Variants in MRC1 observed in about 807,000 individuals in gnomAD.
MRC1 encodes macrophage mannose receptor 1.
MRC1 carries 62 observed loss-of-function variants against 102.9 expected under a neutral mutation model. The ratio of observed to expected loss-of-function variants is 0.60; its 90% CI spans 0.49 to 0.74. The LOEUF (loss-of-function observed/expected upper bound fraction) is 0.74. Among genes scored for constraint, MRC1 ranks in the 30% least tolerant of loss-of-function variants. The pLI, the probability that MRC1 is intolerant of heterozygous loss-of-function variation, is 0.00. For synonymous variants in MRC1, 457 were observed against 298.4 expected, an observed-to-expected ratio of 1.53 and a Z score of -5.48; for missense variants, 1,237 against 862.8, an observed-to-expected ratio of 1.43 and a Z score of -5.43.
chr10:17,904,260 T>C (rs1833868374), intron 26 of MRC1, among the ~76,000 whole-genome samples: 4 of 152,322 alleles, frequency 2.6e-5, no homozygotes, highest in African/African-American at 9.6e-5. Flanking sequence ...TTTGAGTTAC[T>C]GTTGAGTGCC....
In MRC1 at chr10:17,827,412, A is replaced by AAAAAAAAC; in HGVS notation, c.464-128_464-127insAAAAACAA. On this transcript the variant is annotated intron_variant, in intron 2 of 29. Coordinates refer to ENST00000569591, the MANE Select transcript of MRC1 (RefSeq NM_002438.4). ...AAAAAAAAAAAAAAAAAAAAAAAAGAAATCCCTCTGTGGGTGCATCAAGTG... is the reference window on the plus strand; with the variant it reads ...AAAAAAAAAAAAAAAAAAAAAAAAGAAAAAAAACAATCCCTCTGTGGGTGCATCAAGTG... The AAAAAAAAC allele has an allele frequency of 5.5e-6, 2 of 366,278 alleles. 1 individual carries two copies. The highest frequency in any genetic ancestry group is 5.6e-5 in the African/African-American group (2 of 35,450). The allele number at this position is 366,278 out of a possible 1,614,324, so 22.7% of individuals were successfully genotyped here. A position where few individuals can be genotyped will look rare whatever the true frequency, so the allele number is the denominator to read the frequency against.
rs1033243736 is a variant in MRC1 at position 17,888,194 on chromosome 10, T to C, written c.3147+2759T>C. Among the ~76,000 whole-genome samples, 15 of 152,264 alleles carry C rather than the reference T, an allele frequency of 9.9e-5. 1 individual carries two copies. In the South Asian group the frequency reaches 2.9e-3, roughly 29 times the overall value. On this transcript the variant is annotated intron_variant, in intron 22 of 29. Coordinates refer to ENST00000569591, the MANE Select transcript of MRC1 (RefSeq NM_002438.4). ...AATGGGAGAGAACTTTTAATATGTG[T>C]TTTGTGGTGGAAATATGCTTGGATT... is the stretch of plus-strand genomic sequence containing the variant.
intron 8 of MRC1, among the ~76,000 whole-genome samples, chr10:17,853,505 G>A (rs959805392): frequency 6.6e-6 from 1 of 151,016 alleles, no homozygotes; most frequent in African/African-American, 2.4e-5. Context: ...GATTATGCAT[G>A]TATATATAAA....
intron 24 of MRC1, 125 bp from the exon 25 acceptor site, chr10:17,900,663 C>T (rs1833817018): frequency 2.7e-6 from 2 of 739,694 alleles, no homozygotes; most frequent in East Asian, 2.4e-5. Flanking sequence ...TCTTTTTATT[C>T]TCAAATGTTC....
chr10:17,879,796 C>G lies in MRC1; in HGVS notation c.2694C>G (p.Asn898Lys). The G allele has an allele frequency of 2.6e-6, 2 of 780,890 alleles. No individual in the cohort carries two copies. Among genetic ancestry groups the G allele is most frequent in the Non-Finnish European group, 4.8e-6 (2 of 417,962 alleles). 48.4% of individuals were successfully genotyped at this position (780,890 alleles called of 1,614,324 possible). ...CCAATTTTGCAAATGAAGATGAAAA[C>G]TGTGTGACCATGTATTCAAATTCAG... is the stretch of plus-strand genomic sequence containing the variant. ...GEPNFANEDE[N>K]CVTMYSNSGF... Residue 898 changes from asparagine (N) to lysine (K), a missense_variant, in exon 19 of 30, where the codon AAC becomes AAG. By Grantham distance (94) the Asn-to-Lys change is moderately conservative (BLOSUM62 0). Coordinates refer to ENST00000569591, the MANE Select transcript of MRC1 (RefSeq NM_002438.4).
chr10:17,866,591 A>G lies in MRC1; in HGVS notation c.1813A>G (p.Thr605Ala), dbSNP rs1833271383. 1.3e-6 allele frequency: 1 copy of G among 780,662 alleles called. No homozygotes were observed. 48.4% of individuals were successfully genotyped at this position (780,662 alleles called of 1,614,324 possible). A position where few individuals can be genotyped will look rare whatever the true frequency, so the allele number is the denominator to read the frequency against. ...AAAGCCAGGGTGTGTTGCCATGAGA[A>G]CCGGGATTGCAGGGGGCTTATGGGA... ...GRKPGCVAMR[T>A]GIAGGLWDVL... The change falls in exon 12 of 30, where the codon ACC becomes GCC. Residue 605 changes from threonine (T) to alanine (A), a missense_variant. Physicochemically the swap from Thr to Ala is moderately conservative, Grantham distance 58. Transcript: ENST00000569591.
intron 1 of MRC1, among the ~76,000 whole-genome samples, chr10:17,816,896 A>G (rs1024935022): frequency 1.3e-5 from 2 of 152,276 alleles, no homozygotes; most frequent in African/African-American, 2.4e-5. Flanking sequence ...TTTCTTTGCT[A>G]GTAGGCTTGG....
intron 26 of MRC1, among the ~76,000 whole-genome samples, chr10:17,905,570 A>T (rs1159805793): frequency 6.6e-6 from 1 of 151,602 alleles, no homozygotes; most frequent in South Asian, 2.1e-4. Flanking sequence ...TCCATTTTAG[A>T]TGACTCTTTT....
At chr10:17,818,999 A>G (rs1838353671) in intron 1 of MRC1, among the ~76,000 whole-genome samples, 1 of 152,048 alleles carries the variant, frequency 6.6e-6, no homozygotes, top group Non-Finnish European at 1.5e-5. Context: ...GGCTGGATGT[A>G]TTTTTCCTGG....
At chr10:17,875,602 T>C (rs1421048817) in intron 17 of MRC1, among the ~76,000 whole-genome samples, 1 of 152,212 alleles carries the variant, frequency 6.6e-6, no homozygotes, top group Non-Finnish European at 1.5e-5. Context: ...ATTTCATTCC[T>C]TTTTATGGCT....
At position 17,903,397 on chromosome 10, in the gene MRC1, T is replaced by TC. The variant is rs1309863002; in HGVS notation, c.3799+1275_3799+1276insC. Among the ~76,000 whole-genome samples the TC allele has an allele frequency of 2.7e-3, 374 of 136,456 alleles. 3 individuals carry two copies. The highest frequency in any genetic ancestry group is 0.027 in the South Asian group (107 of 4,004). 89.5% of individuals were successfully genotyped at this position (136,456 alleles called of 152,430 possible). ...TTTTTCTTTTCTTTTTTTTTCTTTT[T>TC]TTTTTTTTTTTTTTTTGAGACAGAG... On this transcript the variant is annotated intron_variant, in intron 26 of 29. Coordinates refer to ENST00000569591, the MANE Select transcript of MRC1 (RefSeq NM_002438.4).
In MRC1 at chr10:17,863,554, C is replaced by G; in HGVS notation, c.1655C>G (p.Thr552Ser). 2 of 780,840 alleles carry G rather than the reference C, an allele frequency of 2.6e-6. No individual in the cohort carries two copies. Among genetic ancestry groups the G allele is most frequent in the South Asian group, 2.7e-5 (2 of 74,616 alleles). 48.4% of individuals were successfully genotyped at this position (780,840 alleles called of 1,614,324 possible). The stretch of plus-strand genomic sequence containing the variant: ...TAAAGATATGAACAAGCCTTCCTGA[C>G]TAGTTTCGTTGGCTTAAGGCCTGAA... ...IEDRYEQAFL[T>S]SFVGLRPEKY... Residue 552 changes from threonine to serine, a missense_variant, in exon 11 of 30, where the codon ACT becomes AGT. By Grantham distance (58) the Thr-to-Ser change is moderately conservative. Coordinates refer to ENST00000569591, the MANE Select transcript of MRC1 (RefSeq NM_002438.4).
chr10:17,857,682 C>T (rs1371115794), intron 9 of MRC1, among the ~76,000 whole-genome samples: 3 of 152,090 alleles, frequency 2.0e-5, no homozygotes, highest in African/African-American at 4.8e-5. Context: ...CTTTCCTTAC[C>T]GGGCTGGGAA....
chr10:17,848,740 C>T (rs1353119679), intron 6 of MRC1, among the ~76,000 whole-genome samples: 8 of 152,096 alleles, frequency 5.3e-5, no homozygotes, highest in Admixed American at 2.6e-4. Flanking sequence ...CACAACTTAC[C>T]GCAAATTCAG....
At chr10:17,838,124 G>T (rs1331208574) in intron 4 of MRC1, among the ~76,000 whole-genome samples, 1 of 152,042 alleles carries the variant, frequency 6.6e-6, no homozygotes, top group African/African-American at 2.4e-5. Context: ...GAAAACAGCT[G>T]AACTGGAATT....
intron 5 of MRC1, among the ~76,000 whole-genome samples, chr10:17,843,755 TAC>T (rs1397596852): frequency 5.3e-5 from 8 of 152,200 alleles, no homozygotes; most frequent in African/African-American, 1.7e-4. Context: ...ATCATTTAAT[TAC>T]CACACAAAGA....
At chr10:17,906,159 G>C (rs1045044028) in intron 26 of MRC1, among the ~76,000 whole-genome samples, 8 of 151,820 alleles carry the variant, frequency 5.3e-5, no homozygotes, top group Non-Finnish European at 1.0e-4. Flanking sequence ...GAATCTAACT[G>C]TTATGTATAG....
At chr10:17,843,104 A>C (rs1838774754) in intron 5 of MRC1, among the ~76,000 whole-genome samples, 2 of 152,252 alleles carry the variant, frequency 1.3e-5, no homozygotes, top group African/African-American at 4.8e-5. Flanking sequence ...ATATATAATA[A>C]CTATGGTAAA....
At chr10:17,891,947 G>A (rs1209606153) in intron 22 of MRC1, among the ~76,000 whole-genome samples, 3 of 152,150 alleles carry the variant, frequency 2.0e-5, no homozygotes, top group Non-Finnish European at 2.9e-5. Context: ...GGGAATCTGT[G>A]CTGTGACCTT....
Sources: gnomAD v4.1 joint callset for allele counts (sites outside exome capture counted in the v4.1 genomes callset) on GRCh38, gnomAD v4.1.1 for gene constraint, MANE v1.5 for transcripts, NCBI Gene and HGNC (gene_info 2026-07-23, HGNC 2026-07-21) for gene names.